Variants in ZIC4 observed in about 807,000 individuals in gnomAD.
ZIC4 encodes Zic family zinc finger 4.
ZIC4 carries 15 observed loss-of-function variants against 28.8 expected under a neutral mutation model. That is an observed-to-expected ratio of 0.52 (90% confidence interval 0.35 to 0.80). The LOEUF (loss-of-function observed/expected upper bound fraction) is 0.80, where lower values mean the gene tolerates loss of function less well. Among genes scored for constraint, ZIC4 ranks in the 30% least tolerant of loss-of-function variants. The probability of loss-of-function intolerance (pLI) is 0.01; values close to 1 mark genes in which losing one functional copy is unlikely to be tolerated. For missense variants in ZIC4, 512 were observed against 467.1 expected, an observed-to-expected ratio of 1.10 and a Z score of -0.89; for synonymous variants, 220 against 198.1, an observed-to-expected ratio of 1.11 and a Z score of -0.93.
rs376055510 is a variant in ZIC4 at position 147,396,037 on chromosome 3, T to A, written c.503A>T (p.Gln168Leu). 14 of 1,614,150 alleles carry A rather than the reference T, an allele frequency of 8.7e-6. No homozygotes were observed. In the African/African-American group the frequency reaches 1.7e-4, roughly 20 times the overall value. ...CTCCCAGAAGCAAATGTGGTTGGCC[T>A]GTTCCGGGCCGCCGACGTGCTCCAC... is the stretch of plus-strand genomic sequence containing the variant. ...VTVEHVGGPE[Q>L]ANHICFWEEC... Residue 168 changes from glutamine (Q) to leucine (L), a missense_variant, in exon 3 of 5, where the codon CAG (glutamine) becomes CTG (leucine). Around this residue, in one of 3 missense-constraint regions of ZIC4, gnomAD observed 310 missense variants for 256.5 expected, o/e 1.21. Transcript: ENST00000383075. This position sits in a 1 kb window ranked among gnomAD's most constrained non-coding sequence, Gnocchi z 4.2.
intron 4 of ZIC4, chr3:147,389,283 T>C (rs1576453453): frequency 5.5e-6 from 1 of 180,446 alleles, no homozygotes; most frequent in Non-Finnish European, 1.2e-5. Flanking sequence ...CTGATGAAAG[T>C]TGTGGGGGCT....
chr3:147,395,434 G>A (rs1197757609), intron 3 of ZIC4, among the ~76,000 whole-genome samples: 2 of 152,160 alleles, frequency 1.3e-5, no homozygotes, highest in Admixed American at 6.5e-5. Flanking sequence ...CAGTCCAGGT[G>A]GGCCAGGTTA....
intron 1 of ZIC4, among the ~76,000 whole-genome samples, chr3:147,403,390 A>G (rs2087209502): frequency 1.3e-5 from 2 of 152,228 alleles, no homozygotes; most frequent in South Asian, 4.1e-4. Flanking sequence ...TCACCGGTTG[A>G]CTTTTTAAAG....
At position 147,387,859 on chromosome 3, in the gene ZIC4, C is replaced by T. The variant is rs991832158; in HGVS notation, c.*1000G>A. On this transcript the variant is annotated 3_prime_UTR_variant, in exon 5 of 5. Coordinates refer to ENST00000383075, the MANE Select transcript of ZIC4 (RefSeq NM_032153.6). ...CTCCCCCAGGGTGGCTCCCTTCCCC[C>T]CAAGTCGCCATTAAATTTAAGCCTC... The T allele has an allele frequency of 1.3e-5, 2 of 152,348 alleles. No individual in the cohort carries two copies. Among genetic ancestry groups the T allele is most frequent in the Non-Finnish European group, 1.5e-5 (1 of 68,076 alleles). The allele number at this position is 152,348 out of a possible 1,614,324, so 9.4% of individuals were successfully genotyped here.
intron 3 of ZIC4, chr3:147,392,261 G>T: frequency 1.0e-6 from 1 of 986,016 alleles, no homozygotes; most frequent in Non-Finnish European, 1.2e-6. Flanking sequence ...GCTGCTGTCA[G>T]GCCAGGCCTG....
rs2086846818 is a variant in ZIC4 at position 147,388,806 on chromosome 3, C to A, written c.*53G>T. 3.9e-6 allele frequency: 3 copies of A among 770,272 alleles called. No homozygotes were observed. The highest frequency in any genetic ancestry group is 1.4e-5 in the South Asian group (1 of 72,148). The allele number at this position is 770,272 out of a possible 1,614,324, so 47.7% of individuals were successfully genotyped here. The stretch of plus-strand genomic sequence containing the variant: ...CCTTTGATGTAGCAGGCGCGAGATG[C>A]GGGGCGCTCAGCTGCGCGGAGCGAG... On this transcript the variant is annotated 3_prime_UTR_variant, in exon 5 of 5. Coordinates refer to ENST00000383075, the MANE Select transcript of ZIC4 (RefSeq NM_032153.6).
chr3:147,405,523 A>G (rs2087256709), intron 1 of ZIC4: 1 of 1,518,266 alleles, frequency 6.6e-7, no homozygotes, highest in African/African-American at 1.4e-5. Context: ...TTTCTTTCAC[A>G]GCTCAGCTCT....
rs188089786 is a variant in ZIC4 at position 147,394,866 on chromosome 3, A to C, written c.688+986T>G. ...AGTTCTTTGACTCCAACAATTGTCG[A>C]TGTTCCAGCAAGAATAGGGGCGAGT... is the stretch of plus-strand genomic sequence containing the variant. On this transcript the variant is annotated intron_variant, in intron 3 of 4. Coordinates refer to ENST00000383075, the MANE Select transcript of ZIC4 (RefSeq NM_032153.6). Among the ~76,000 whole-genome samples the C allele has an allele frequency of 2.0e-4, 30 of 152,302 alleles. No individual in the cohort carries two copies. In the East Asian group the frequency reaches 5.2e-3, roughly 26 times the overall value.
At chr3:147,390,033 T>C (rs1180446703) in intron 4 of ZIC4, among the ~76,000 whole-genome samples, 1 of 152,192 alleles carries the variant, frequency 6.6e-6, no homozygotes. Context: ...GAAGCCTCTC[T>C]GGTGTTCCTT....
At chr3:147,393,975 C>G in intron 3 of ZIC4, 4 of 456,430 alleles carry the variant, frequency 8.8e-6, no homozygotes, top group Non-Finnish European at 1.8e-5. Flanking sequence ...GAGAAATTTG[C>G]TCCTGTTTGC....
chr3:147,402,672 A>G, intron 2 of ZIC4, 56 bp downstream of exon 2: 1 of 1,465,332 alleles, frequency 6.8e-7, no homozygotes, highest in South Asian at 1.3e-5. Context: ...AAAAAAAAGA[A>G]GAAGAAGAAG....
At chr3:147,394,814 T>C (rs1042122114) in intron 3 of ZIC4, among the ~76,000 whole-genome samples, 2 of 152,218 alleles carry the variant, frequency 1.3e-5, no homozygotes, top group African/African-American at 4.8e-5. Flanking sequence ...GGGGAGAAGA[T>C]AGGCGTTAGA....
intron 3 of ZIC4, chr3:147,391,514 T>C: frequency 2.8e-6 from 1 of 359,110 alleles, no homozygotes; most frequent in Non-Finnish European, 5.0e-6. Flanking sequence ...GACTCCATCT[T>C]AGTCGAGTTT....
At chr3:147,403,701 AG>A (rs1452519406) in intron 1 of ZIC4, 1 of 317,638 alleles carries the variant, frequency 3.1e-6, no homozygotes, top group Admixed American at 4.8e-5. Context: ...AAAAGGTCTC[AG>A]GCTGGACAAA....
chr3:147,392,202 C>G (rs887724536), intron 3 of ZIC4: 4 of 985,618 alleles, frequency 4.1e-6, no homozygotes, highest in Non-Finnish European at 4.8e-6. Context: ...TCCGAGGTGT[C>G]TACCGCAACC....
chr3:147,389,808 G>C (rs1013488900), intron 4 of ZIC4, among the ~76,000 whole-genome samples: 1 of 152,040 alleles, frequency 6.6e-6, no homozygotes, highest in African/African-American at 2.4e-5. Context: ...GACGAACATT[G>C]TGCAATTACT....
intron 3 of ZIC4, among the ~76,000 whole-genome samples, 200 bp downstream of exon 3, chr3:147,395,652 A>G (rs1438785565): frequency 3.3e-5 from 5 of 152,120 alleles, no homozygotes; most frequent in African/African-American, 1.2e-4. Context: ...GAAATCCCGC[A>G]CTATCCTCCC....
At position 147,386,633 on chromosome 3, in the gene ZIC4, G is replaced by A. The variant is rs1314061467; in HGVS notation, c.*2226C>T. 6.6e-6 allele frequency: 1 copy of A among 152,352 alleles called. No individual in the cohort carries two copies. The highest frequency in any genetic ancestry group is 1.5e-5 in the Non-Finnish European group (1 of 68,024). The allele number at this position is 152,352 out of a possible 1,614,324, so 9.4% of individuals were successfully genotyped here. A position where few individuals can be genotyped will look rare whatever the true frequency, so the allele number is the denominator to read the frequency against. On this transcript the variant is annotated 3_prime_UTR_variant, in exon 5 of 5. Transcript: ENST00000383075. ...AACCACCTTTAAAACCACCACAGGA[G>A]TTTTGGGGAAACCTGAACTGGGTGA...
chr3:147,390,193 T>G (rs1015137169), intron 4 of ZIC4, among the ~76,000 whole-genome samples: 3 of 148,934 alleles, frequency 2.0e-5, no homozygotes, highest in Non-Finnish European at 4.5e-5. Flanking sequence ...CACCCCCTGC[T>G]GAAAAGACGA....
Sources: allele counts gnomAD v4.1 joint callset (sites outside exome capture counted in the v4.1 genomes callset), GRCh38; gene constraint gnomAD v4.1.1; regional missense constraint gnomAD v4.1.1; non-coding constraint Gnocchi (gnomAD v3.1); transcripts MANE v1.5; gene names NCBI Gene and HGNC (gene_info 2026-07-23, HGNC 2026-07-21).